The following FXYD7 variants were observed in gnomAD, a reference collection of about 807,000 sequenced individuals.
FXYD7 encodes the protein FXYD domain containing ion transport regulator 7.
A neutral mutation model predicts 15.3 loss-of-function variants in FXYD7; 7 were observed. That is an observed-to-expected ratio of 0.46 (90% CI 0.26 to 0.86). FXYD7 has a LOEUF of 0.86. Ranked by LOEUF, FXYD7 falls within the 40% of genes least tolerant of loss-of-function variation. The pLI, the probability that FXYD7 is intolerant of heterozygous loss-of-function variation, is 0.16. For missense variants in FXYD7, 78 were observed against 100.6 expected (o/e 0.78, Z 0.96); for synonymous variants, 39 against 39.3 (o/e 0.99, Z 0.03).
intron 1 of FXYD7, among the ~76,000 whole-genome samples, chr19:35,148,199 A>T (rs1307564379): frequency 6.6e-6 from 1 of 152,168 alleles, no homozygotes; most frequent in Non-Finnish European, 1.5e-5. Context: ...TGGATGGAGT[A>T]TCAGGAGTGA....
chr19:35,148,652 GT>G (rs770542537), intron 1 of FXYD7, 41 bp from the exon 2 acceptor site: 309 of 1,355,584 alleles, frequency 2.3e-4, no homozygotes, highest in South Asian at 4.2e-4. Flanking sequence ...ACACTGTTAA[GT>G]TTTTTTTTTC....
At chr19:35,148,095 G>GAA (rs1369233426) in intron 1 of FXYD7, among the ~76,000 whole-genome samples, 112 of 134,074 alleles carry the variant, frequency 8.4e-4, no homozygotes, top group Middle Eastern at 3.8e-3. Context: ...AAGAAAGAAA[G>GAA]AGAGAGAGAA....
chr19:35,153,033 C>CTTTGTTTTGTTTTTTTTTTT (rs1555737607), intron 5 of FXYD7, among the ~76,000 whole-genome samples: 3 of 44,142 alleles, frequency 6.8e-5, no homozygotes, highest in Non-Finnish European at 1.2e-4. Flanking sequence ...TTTCACGTTC[C>CTTTGTTTTGTTTTTTTTTTT]TTTTTTTTTT....
intron 2 of FXYD7, among the ~76,000 whole-genome samples, chr19:35,150,581 C>T (rs899695555): frequency 5.9e-5 from 9 of 152,158 alleles, no homozygotes; most frequent in African/African-American, 1.4e-4. Flanking sequence ...GAAGGAGCCA[C>T]GTGGATATTT....
At chr19:35,152,166 G>C (rs1248961757) in intron 5 of FXYD7, among the ~76,000 whole-genome samples, 3 of 95,796 alleles carry the variant, frequency 3.1e-5, no homozygotes, top group Non-Finnish European at 6.3e-5. Context: ...GAGGAAGGAA[G>C]AAATGAAGGA....
At chr19:35,151,768 G>A in intron 5 of FXYD7, 95 bp downstream of exon 5, 1 of 770,010 alleles carries the variant, frequency 1.3e-6, no homozygotes, top group African/African-American at 1.7e-5. Flanking sequence ...ACTGGACGCA[G>A]GGGGCGGAGG....
chr19:35,149,219 C>T, intron 2 of FXYD7: 1 of 356,940 alleles, frequency 2.8e-6, no homozygotes, highest in East Asian at 7.4e-5. Flanking sequence ...TACCCCAGGC[C>T]TGGTAGATCG....
chr19:35,148,071 GAAAGAAAGAAAGAA>G (rs1488228789), intron 1 of FXYD7, among the ~76,000 whole-genome samples: 24 of 121,672 alleles, frequency 2.0e-4, no homozygotes, highest in Non-Finnish European at 3.8e-4. Context: ...AAGAAAGAAA[GAAAGAAAGAAAGAA>G]AGAAAGAAAG....
In FXYD7 at chr19:35,143,337, G is replaced by T. The variant is rs1178965712; in HGVS notation, c.4G>T (p.Ala2Ser). Reference protein sequence around the residue: MATPTQTPTKAP... With the variant: MSTPTQTPTKAP... ...CAGCCCCCTGCTCCGGCCCAGCATG[G>T]CGACCCCGACCCAGACCCCCACAAA... The change falls in exon 1 of 6, where the codon GCG becomes TCG. Residue 2 changes from alanine to serine, a missense_variant. By Grantham distance (99) the Ala-to-Ser change is moderately conservative (BLOSUM62 1). Transcript: ENST00000270310. The surrounding 1 kb of genome is among the most constrained non-coding windows in gnomAD (Gnocchi z 4.3). The T allele has an allele frequency of 6.5e-7, 1 of 1,531,858 alleles. No individual in the cohort carries two copies. Among genetic ancestry groups the T allele is most frequent in the Admixed American group, 2.1e-5 (1 of 48,426 alleles). 94.9% of individuals were successfully genotyped at this position (1,531,858 alleles called of 1,614,324 possible). A position where few individuals can be genotyped will look rare whatever the true frequency, so the allele number is the denominator to read the frequency against.
At chr19:35,151,784 T>C in intron 5 of FXYD7, 111 bp downstream of exon 5, 1 of 774,138 alleles carries the variant, frequency 1.3e-6, no homozygotes. Flanking sequence ...GGAGGGGGGG[T>C]GGTGCCTGCA....
rs373814675 is a variant in FXYD7 at position 35,148,742 on chromosome 19, G to A, written c.61+19G>A. ...TACTATGGTGAGTGTTGGATTTGGG[G>A]ATAGGGCTGGACTGGGGAGTAGCTG... On this transcript the variant is annotated intron_variant, in intron 2 of 5. Coordinates refer to ENST00000270310, the MANE Select transcript of FXYD7 (RefSeq NM_022006.2). 1.9e-6 allele frequency: 3 copies of A among 1,607,502 alleles called. No homozygotes were observed. The highest frequency in any genetic ancestry group is 1.3e-5 in the African/African-American group (1 of 74,808).
intron 5 of FXYD7, among the ~76,000 whole-genome samples, chr19:35,152,810 C>T (rs2451994): frequency 0.78 from 118,501 of 151,698 alleles, 46,631 homozygotes; most frequent in East Asian, 0.97. Context: ...AAAGACTGAT[C>T]TCTTTGAGGC....
chr19:35,153,033 C>CTTTGTTTTGTTTTTTTTTTTTTTTTTTTT (rs1555737607), intron 5 of FXYD7, among the ~76,000 whole-genome samples: 3 of 44,142 alleles, frequency 6.8e-5, no homozygotes, highest in Non-Finnish European at 1.2e-4. Flanking sequence ...TTTCACGTTC[C>CTTTGTTTTGTTTTTTTTTTTTTTTTTTTT]TTTTTTTTTT....
chr19:35,146,222 C>T (rs1490496276), intron 1 of FXYD7, among the ~76,000 whole-genome samples: 4 of 152,058 alleles, frequency 2.6e-5, no homozygotes, highest in Non-Finnish European at 5.9e-5. Context: ...ACTGCAACCT[C>T]TGCCTCCCGG....
rs1324030545 is a variant in FXYD7, at chr19:35,143,359, C to A, written c.26C>A (p.Thr9Lys). 2.0e-6 allele frequency: 3 copies of A among 1,521,462 alleles called. No individual in the cohort carries two copies. The highest frequency in any genetic ancestry group is 2.6e-5 in the East Asian group (1 of 38,002). The allele number at this position is 1,521,462 out of a possible 1,614,324, so 94.2% of individuals were successfully genotyped here. The change falls in exon 1 of 6, where the codon ACA becomes AAA. Residue 9 changes from threonine to lysine, a missense_variant. Thr to Lys is a moderately conservative substitution (Grantham distance 78). Transcript: ENST00000270310. This position sits in a 1 kb window ranked among gnomAD's most constrained non-coding sequence, Gnocchi z 4.3. ...ATGGCGACCCCGACCCAGACCCCCA[C>A]AAAGGGTGAGCGTCGTTTGGGGAGG... MATPTQTP[T>K]KAPEEPDPFY...
intron 1 of FXYD7, among the ~76,000 whole-genome samples, chr19:35,144,423 T>C (rs2065281211): frequency 6.6e-6 from 1 of 152,172 alleles, no homozygotes; most frequent in South Asian, 2.1e-4. Flanking sequence ...CCCCCACTGC[T>C]AATCCTGCTT....
At chr19:35,148,077 A>G (rs866472934) in intron 1 of FXYD7, among the ~76,000 whole-genome samples, 26 of 127,890 alleles carry the variant, frequency 2.0e-4, no homozygotes, top group African/African-American at 5.2e-4. Context: ...GAAAGAAAGA[A>G]AGAAAGAAAG....
At chr19:35,148,587 C>A in intron 1 of FXYD7, 107 bp from the exon 2 acceptor site, 1 of 965,658 alleles carries the variant, frequency 1.0e-6, no homozygotes, top group African/African-American at 1.6e-5. Context: ...CTGACTTCCA[C>A]AAAGAAATGA....
In FXYD7 at chr19:35,151,639, C is replaced by T; in HGVS notation, c.186C>T (p.Thr62=). ...CTCATCTCTGCCTCCACAGCCCAACCTGCAAATCCTGTAAGTCTGAGCTTC... is the reference window on the plus strand; with the variant it reads ...CTCATCTCTGCCTCCACAGCCCAACTTGCAAATCCTGTAAGTCTGAGCTTC... ...RKADSRSESP[T]CKSCKSELPS... Residue 62 remains threonine, a synonymous_variant, in exon 5 of 6, where the codon ACC becomes ACT. Transcript: ENST00000270310. The T allele has an allele frequency of 6.2e-7, 1 of 1,613,296 alleles. No individual in the cohort carries two copies. Among genetic ancestry groups the T allele is most frequent in the Non-Finnish European group, 8.5e-7 (1 of 1,179,242 alleles).
Sources: allele counts gnomAD v4.1 joint callset (sites outside exome capture counted in the v4.1 genomes callset), GRCh38; gene constraint gnomAD v4.1.1; non-coding constraint Gnocchi (gnomAD v3.1); transcripts MANE v1.5; gene names NCBI Gene and HGNC (gene_info 2026-07-23, HGNC 2026-07-21).